The following PAH variants were observed in gnomAD, a reference collection of about 807,000 sequenced individuals.
PAH encodes the protein phenylalanine-4-hydroxylase.
In PAH, 64 loss-of-function variants were observed where a neutral mutation model predicts 62.0. The observed-to-expected ratio is 1.03, with a 90% CI of 0.84 to 1.27. The LOEUF is 1.27. PAH is among the 50% of genes most tolerant of loss of function. The pLI is 0.00. For missense variants in PAH, 579 were observed against 542.8 expected (o/e 1.07, Z -0.66); for synonymous variants, 195 against 196.2 (o/e 0.99, Z 0.05).
At chr12:102,908,221 GACACACACACACACAC>G (rs150345639) in intron 2 of PAH, among the ~76,000 whole-genome samples, 1 of 141,710 alleles carries the variant, frequency 7.1e-6, no homozygotes, top group African/African-American at 2.6e-5. Flanking sequence ...CTGCAGCCCC[GACACACACACACACAC>G]ACACACACAC....
At chr12:102,877,990 C>T (rs10778207) in intron 3 of PAH, among the ~76,000 whole-genome samples, 30,110 of 151,892 alleles carry the variant, frequency 0.2, 4,114 homozygotes, top group East Asian at 0.69. Context: ...CATGCCTGCC[C>T]AATTTTTGTA....
rs375319584 is a variant in PAH at position 102,839,031 on chromosome 12, T to C, written c.*144A>G. On this transcript the variant is annotated 3_prime_UTR_variant, in exon 13 of 13. Coordinates refer to ENST00000553106, the MANE Select transcript of PAH (RefSeq NM_000277.3). The stretch of plus-strand genomic sequence containing the variant: ...TCCTGTCATTTCAGATTATTTTGAC[T>C]TATTTGTTGTTTCTCCATCTTGTAA... 599 of 723,064 alleles carry C rather than the reference T, an allele frequency of 8.3e-4. 8 individuals are homozygous for C. The highest frequency in any genetic ancestry group is 7.2e-3 in the South Asian group (463 of 64,002). The allele number at this position is 723,064 out of a possible 1,614,324, so 44.8% of individuals were successfully genotyped here. A position where few individuals can be genotyped will look rare whatever the true frequency, so the allele number is the denominator to read the frequency against.
intron 2 of PAH, chr12:102,904,651 T>C: frequency 2.5e-6 from 1 of 398,158 alleles, no homozygotes; most frequent in South Asian, 2.0e-5. Context: ...ATAGTCTAGA[T>C]TATTTCATTT....
At chr12:102,890,788 C>T (rs922957561) in intron 3 of PAH, among the ~76,000 whole-genome samples, 1 of 152,062 alleles carries the variant, frequency 6.6e-6, no homozygotes, top group African/African-American at 2.4e-5. Context: ...TATGTGAAAA[C>T]ATTAACTTTT....
chr12:102,937,853 G>A (rs757200091), intron 1 of PAH, among the ~76,000 whole-genome samples: 7 of 152,122 alleles, frequency 4.6e-5, no homozygotes, highest in Non-Finnish European at 1.0e-4. Flanking sequence ...TGTAGGATAA[G>A]TTTGGTGTTG....
At chr12:102,928,534 A>T (rs530117607) in intron 1 of PAH, among the ~76,000 whole-genome samples, 41 of 152,030 alleles carry the variant, frequency 2.7e-4, no homozygotes, top group Non-Finnish European at 5.7e-4. Context: ...TGGTCTAAAC[A>T]CCCCTATCCA....
At chr12:102,872,715 C>G (rs1014854496) in intron 4 of PAH, among the ~76,000 whole-genome samples, 7 of 152,206 alleles carry the variant, frequency 4.6e-5, no homozygotes, top group Admixed American at 3.9e-4. Context: ...TGCCCATAAT[C>G]CCAGCATTTT....
At chr12:102,856,833 G>A (rs1392193129) in intron 5 of PAH, among the ~76,000 whole-genome samples, 2 of 152,186 alleles carry the variant, frequency 1.3e-5, no homozygotes, top group African/African-American at 4.8e-5. Flanking sequence ...CCCCATCTGT[G>A]TGTCACCATC....
At chr12:102,894,948 A>G (rs1243813451) in intron 2 of PAH, 30 bp from the exon 3 acceptor site, 3 of 1,570,600 alleles carry the variant, frequency 1.9e-6, no homozygotes, top group Non-Finnish European at 2.6e-6. Flanking sequence ...GGGTGAGGAG[A>G]CAGTCACTGG....
chr12:102,912,936 C>T, intron 1 of PAH, 38 bp from the exon 2 acceptor site: 3 of 1,404,336 alleles, frequency 2.1e-6, no homozygotes, highest in Non-Finnish European at 3.0e-6. Context: ...ACATTTTCCA[C>T]AGTTTAGCAA....
Position 102,925,922 on chromosome 12 carries a change from A to G in PAH, c.-95-8697T>C, listed in dbSNP as rs1878669690. Among the ~76,000 whole-genome samples the G allele has an allele frequency of 3.3e-5, 5 of 152,258 alleles. No individual in the cohort carries two copies. The South Asian group carries it at 8.3e-4, about 25-fold the overall frequency. ...AACCAATATATATATAATATACATT[A>G]TATGTATGATCTCAAGACTCTGAAG... On this transcript the variant is annotated intron_variant, in intron 1 of 3. Transcript: ENST00000546844.
At chr12:102,871,067 C>T (rs1335815032) in intron 4 of PAH, among the ~76,000 whole-genome samples, 1 of 152,210 alleles carries the variant, frequency 6.6e-6, no homozygotes, top group Non-Finnish European at 1.5e-5. Flanking sequence ...CGACCACCAC[C>T]ATTTCTTGCC....
At chr12:102,893,813 A>C (rs146575381) in intron 3 of PAH, among the ~76,000 whole-genome samples, 44 of 152,330 alleles carry the variant, frequency 2.9e-4, no homozygotes, top group African/African-American at 1.1e-3. Context: ...TAATGGGACA[A>C]TGCAAGTTTT....
intron 1 of PAH, among the ~76,000 whole-genome samples, chr12:102,942,505 T>C (rs1353463730): frequency 1.3e-5 from 2 of 152,188 alleles, no homozygotes; most frequent in South Asian, 4.2e-4. Context: ...CACAACAGAT[T>C]CATTGCTATT....
In PAH at chr12:102,872,653, T is replaced by C. The variant is rs527841637; in HGVS notation, c.441+4809A>G. Among the ~76,000 whole-genome samples the C allele has an allele frequency of 2.8e-3, 425 of 152,336 alleles. 3 individuals are homozygous for C. Among genetic ancestry groups the C allele is most frequent in the Non-Finnish European group, 5.3e-3 (360 of 68,034 alleles). On this transcript the variant is annotated intron_variant, in intron 4 of 12. Transcript: ENST00000553106. ...CCTACAGGAGAGCAGGAAAACTTGA[T>C]GCCCACACCTTGAAAGGTTAAAAAC...
intron 2 of PAH, among the ~76,000 whole-genome samples, chr12:102,910,006 T>C (rs1054457426): frequency 4.6e-5 from 7 of 152,194 alleles, no homozygotes; most frequent in Admixed American, 4.6e-4. Flanking sequence ...ACTTTTAAAA[T>C]ATTTTTTTAA....
chr12:102,847,275 A>G, intron 8 of PAH: 1 of 390,206 alleles, frequency 2.6e-6, no homozygotes, highest in Non-Finnish European at 4.9e-6. Context: ...CAGCTCAGTG[A>G]TTATTCATCA....
intron 5 of PAH, among the ~76,000 whole-genome samples, chr12:102,857,222 GT>G (rs1379049121): frequency 2.0e-5 from 3 of 152,192 alleles, no homozygotes; most frequent in Non-Finnish European, 4.4e-5. Context: ...GGAAGAAAGG[GT>G]ATCAGTGATT....
chr12:102,898,624 T>C (rs954171636), intron 2 of PAH, among the ~76,000 whole-genome samples: 1 of 152,240 alleles, frequency 6.6e-6, no homozygotes, highest in Non-Finnish European at 1.5e-5. Context: ...CTTTATAGTA[T>C]AGAATTCTTT....
Sources: gnomAD v4.1 joint callset for allele counts (sites outside exome capture counted in the v4.1 genomes callset) on GRCh38, gnomAD v4.1.1 for gene constraint, MANE v1.5 for transcripts, NCBI Gene and HGNC (gene_info 2026-07-23, HGNC 2026-07-21) for gene names.